HECW2: variants seen among roughly 807,000 people sequenced by gnomAD.
HECW2 encodes HECT, C2 and WW domain containing E3 ubiquitin protein ligase 2, also known as E3 ubiquitin-protein ligase HECW2.
Under a neutral mutation model 175.2 loss-of-function variants are expected in HECW2, and 61 were observed. The ratio of observed to expected loss-of-function variants is 0.35; its 90% CI spans 0.28 to 0.43. HECW2 has a LOEUF of 0.43. HECW2 is among the 20% of genes least tolerant of loss of function. The probability of loss-of-function intolerance (pLI) is 1.00; values close to 1 mark genes in which losing one functional copy is unlikely to be tolerated. For synonymous variants in HECW2, 671 were observed against 731.0 expected, an observed-to-expected ratio of 0.92 and a Z score of 1.32; for missense variants, 1,524 against 2,000.5, an observed-to-expected ratio of 0.76 and a Z score of 4.54.
intron 18 of HECW2, among the ~76,000 whole-genome samples, chr2:196,255,850 A>G (rs1267104357): frequency 6.6e-6 from 1 of 152,238 alleles, no homozygotes; most frequent in Non-Finnish European, 1.5e-5. Context: ...AGGAGGGCGG[A>G]TTGCCTGAGC....
intron 13 of HECW2, among the ~76,000 whole-genome samples, chr2:196,304,035 T>G (rs1691168252): frequency 6.6e-6 from 1 of 152,206 alleles, no homozygotes; most frequent in Non-Finnish European, 1.5e-5. Context: ...AAACCCATTC[T>G]TTGCATAACA....
At chr2:196,212,036 C>T (rs1351132635) in intron 28 of HECW2, among the ~76,000 whole-genome samples, 1 of 152,142 alleles carries the variant, frequency 6.6e-6, no homozygotes, top group Non-Finnish European at 1.5e-5. Context: ...AGGGTTTCAC[C>T]ATGTTAGCCA....
chr2:196,346,031 A>C (rs1692942428), intron 2 of HECW2, among the ~76,000 whole-genome samples: 1 of 152,220 alleles, frequency 6.6e-6, no homozygotes, highest in Non-Finnish European at 1.5e-5. Context: ...TGTACATGGG[A>C]AATTTCCTAA....
At chr2:196,310,658 AT>A (rs2105724909) in intron 10 of HECW2, among the ~76,000 whole-genome samples, 1 of 152,358 alleles carries the variant, frequency 6.6e-6, no homozygotes, top group Admixed American at 6.5e-5. Context: ...CAATGCTAAA[AT>A]GAGATAGGCA....
chr2:196,248,597 G>GACACAC (rs35800907), intron 19 of HECW2, among the ~76,000 whole-genome samples: 10,660 of 143,832 alleles, frequency 0.074, 440 homozygotes, highest in South Asian at 0.09. Context: ...GAGACAGACA[G>GACACAC]ACACACACAC....
At chr2:196,494,033 C>T (rs1032619311) in intron 1 of HECW2, among the ~76,000 whole-genome samples, 1 of 152,210 alleles carries the variant, frequency 6.6e-6, no homozygotes, top group African/African-American at 2.4e-5. Flanking sequence ...TCAGTAATGT[C>T]TCACAGACGT....
intron 1 of HECW2, among the ~76,000 whole-genome samples, chr2:196,492,596 G>A (rs1228238606): frequency 6.6e-6 from 1 of 152,200 alleles, no homozygotes; most frequent in African/African-American, 2.4e-5. Context: ...GAAAGGGGCG[G>A]GAGTGGAATC....
chr2:196,497,325 A>G (rs1212750373), intron 1 of HECW2, among the ~76,000 whole-genome samples: 1 of 152,238 alleles, frequency 6.6e-6, no homozygotes, highest in Non-Finnish European at 1.5e-5. Flanking sequence ...AGGCTGTGAC[A>G]TTTGACTAAA....
Position 196,196,643 on chromosome 2 carries a change from A to T in HECW2, c.*4634T>A, listed in dbSNP as rs1686698060. 3 of 152,206 alleles carry T rather than the reference A, an allele frequency of 2.0e-5. No homozygotes were observed. Among genetic ancestry groups the T allele is most frequent in the Admixed American group, 1.3e-4 (2 of 15,266 alleles). The allele number at this position is 152,206 out of a possible 1,614,324, so 9.4% of individuals were successfully genotyped here. A position where few individuals can be genotyped will look rare whatever the true frequency, so the allele number is the denominator to read the frequency against. On this transcript the variant is annotated 3_prime_UTR_variant, in exon 29 of 29. Transcript: ENST00000644978. ...AAAACCCTGTGTCTACAAAAAATAT[A>T]AAAAAATTAGCTGGGCATGGTGGTG...
At position 196,404,340 on chromosome 2, in the gene HECW2, A is replaced by C. The variant is rs558220500; in HGVS notation, c.292+28792T>G. On this transcript the variant is annotated intron_variant, in intron 2 of 28. Transcript: ENST00000644978. ...GCCTCTCTCTGTCATGTCTGCTAGGATTCTGTAATAAAGAGATTCTTCAAA... is the reference window on the plus strand; with the variant it reads ...GCCTCTCTCTGTCATGTCTGCTAGGCTTCTGTAATAAAGAGATTCTTCAAA... 2.0e-4 allele frequency among the ~76,000 whole-genome samples: 30 copies of C among 152,262 alleles called. No individual in the cohort carries two copies. In the South Asian group the frequency reaches 6.2e-3, roughly 32 times the overall value.
At chr2:196,263,056 T>C (rs1285849303) in intron 17 of HECW2, 1 of 149,988 alleles carries the variant, frequency 6.7e-6, no homozygotes, top group Non-Finnish European at 1.5e-5. Context: ...GGCAGAGAAA[T>C]AAAAAAAGAA....
intron 1 of HECW2, among the ~76,000 whole-genome samples, chr2:196,563,550 C>T (rs971709559): frequency 4.6e-5 from 7 of 151,830 alleles, no homozygotes; most frequent in Non-Finnish European, 1.5e-5. Context: ...ACTTGGGTGA[C>T]AGAGTGAGAC....
intron 1 of HECW2, among the ~76,000 whole-genome samples, chr2:196,522,690 T>C (rs1323564014): frequency 6.6e-6 from 1 of 150,572 alleles, no homozygotes; most frequent in Non-Finnish European, 1.5e-5. Context: ...TTCAGCTTTC[T>C]ACATATGGCT....
rs748536837 is a variant in HECW2, at chr2:196,195,780, A to C, written c.*5497T>G. On this transcript the variant is annotated 3_prime_UTR_variant, in exon 29 of 29. Transcript: ENST00000644978. ...TAGTAACAATAATTCTTAAATAAAA[A>C]AATCCACAACATAATTTTATGCTAA... is the stretch of plus-strand genomic sequence containing the variant. 6.6e-6 allele frequency: 1 copy of C among 152,236 alleles called. No individual in the cohort carries two copies. Among genetic ancestry groups the C allele is most frequent in the Non-Finnish European group, 1.5e-5 (1 of 68,040 alleles). 9.4% of individuals were successfully genotyped at this position (152,236 alleles called of 1,614,324 possible). A position where few individuals can be genotyped will look rare whatever the true frequency, so the allele number is the denominator to read the frequency against.
At chr2:196,537,772 G>A (rs1448673715) in intron 1 of HECW2, among the ~76,000 whole-genome samples, 2 of 152,164 alleles carry the variant, frequency 1.3e-5, no homozygotes, top group Non-Finnish European at 2.9e-5. Flanking sequence ...GATATCTGGA[G>A]AACAAAGGCA....
chr2:196,333,368 G>A (rs998290309), intron 4 of HECW2, among the ~76,000 whole-genome samples: 2 of 152,162 alleles, frequency 1.3e-5, no homozygotes, highest in African/African-American at 4.8e-5. Flanking sequence ...GCTTGATACA[G>A]TGCTTGATAG....
chr2:196,284,470 C>A (rs573714336), intron 14 of HECW2, among the ~76,000 whole-genome samples: 45 of 152,320 alleles, frequency 3.0e-4, no homozygotes, highest in African/African-American at 9.9e-4. Flanking sequence ...AAGGAGCAAT[C>A]CCTTGGTGTG....
At chr2:196,223,723 G>T (rs979217980) in intron 23 of HECW2, among the ~76,000 whole-genome samples, 1 of 152,100 alleles carries the variant, frequency 6.6e-6, no homozygotes, top group Non-Finnish European at 1.5e-5. Context: ...CCAGTGTGAA[G>T]GATTATTTAA....
rs1453258044 is a variant in HECW2, at chr2:196,199,926, G to A, written c.*1351C>T. ...AATATAGTTCTGAGTTTCAATTTGT[G>A]GTGTCTTCACTGATGAGGGAAAATG... On this transcript the variant is annotated 3_prime_UTR_variant, in exon 29 of 29. Transcript: ENST00000644978. The A allele has an allele frequency of 6.6e-6, 1 of 152,468 alleles. No homozygotes were observed. Among genetic ancestry groups the A allele is most frequent in the Admixed American group, 6.6e-5 (1 of 15,250 alleles). 9.4% of individuals were successfully genotyped at this position (152,468 alleles called of 1,614,324 possible).
Sources: allele counts gnomAD v4.1 joint callset (sites outside exome capture counted in the v4.1 genomes callset), GRCh38; gene constraint gnomAD v4.1.1; transcripts MANE v1.5; gene names NCBI Gene and HGNC (gene_info 2026-07-23, HGNC 2026-07-21).